The following ANK3 variants were observed in gnomAD, a reference collection of about 807,000 sequenced individuals.
ANK3 encodes the protein ankyrin 3, also known as ankyrin-3.
Under a neutral mutation model 370.9 loss-of-function variants are expected in ANK3, and 57 were observed. The observed-to-expected ratio is 0.15, with a 90% CI of 0.12 to 0.19. The LOEUF is 0.19. ANK3 is among the 10% of genes least tolerant of loss of function. The probability of loss-of-function intolerance (pLI) is 1.00; values close to 1 mark genes in which losing one functional copy is unlikely to be tolerated. For missense variants in ANK3, 4,439 were observed against 5,302.1 expected (o/e 0.84, Z 5.06); for synonymous variants, 1,929 against 1,946.3 (o/e 0.99, Z 0.23).
At position 60,147,456 on chromosome 10, in the gene ANK3, C is replaced by T. The variant is rs563981536; in HGVS notation, c.2615-8369G>A. On this transcript the variant is annotated intron_variant, in intron 23 of 43. Coordinates refer to ENST00000280772, the MANE Select transcript of ANK3 (RefSeq NM_020987.5). ...GCCATCATATGCTGGCCATGGTTGT[C>T]GTTCTTTCAAAACAGAAAATAAGTG... 3.3e-5 allele frequency among the ~76,000 whole-genome samples: 5 copies of T among 152,254 alleles called. No individual in the cohort carries two copies. The South Asian group carries it at 8.3e-4, about 25-fold the overall frequency.
chr10:60,422,994 G>A lies in ANK3; in HGVS notation c.97-143355C>T, dbSNP rs1205680310. 2.6e-5 allele frequency among the ~76,000 whole-genome samples: 4 copies of A among 152,128 alleles called. No individual in the cohort carries two copies. In the East Asian group the frequency reaches 7.7e-4, roughly 29 times the overall value. ...TGAAGGACAATTCTTTACTGTACAG[G>A]ATAGTTCTGTGTACTGAAGGGCAAA... is the stretch of plus-strand genomic sequence containing the variant. On this transcript the variant is annotated intron_variant, in intron 2 of 43. Transcript: ENST00000373827.
intron 25 of ANK3, among the ~76,000 whole-genome samples, chr10:60,130,434 C>T (rs1176583377): frequency 6.6e-6 from 1 of 152,204 alleles, no homozygotes; most frequent in African/African-American, 2.4e-5. Context: ...CATTTTTACT[C>T]ATTTTTCACC....
chr10:60,694,138 A>G (rs1171770905), intron 1 of ANK3, among the ~76,000 whole-genome samples: 2 of 152,232 alleles, frequency 1.3e-5, no homozygotes, highest in Non-Finnish European at 2.9e-5. Flanking sequence ...CAACTGGAAG[A>G]AAGGGTATCA....
intron 43 of ANK3, among the ~76,000 whole-genome samples, chr10:60,032,796 T>C (rs1007521163): frequency 1.3e-5 from 2 of 152,232 alleles, no homozygotes; most frequent in East Asian, 1.9e-4. Flanking sequence ...TTCTTGGTTA[T>C]GCAATCAGAG....
chr10:60,347,623 T>C (rs1288125221), intron 1 of ANK3, among the ~76,000 whole-genome samples: 1 of 152,018 alleles, frequency 6.6e-6, no homozygotes, highest in East Asian at 1.9e-4. Flanking sequence ...ACTCAATAAA[T>C]GGTAATGAAT....
At chr10:60,363,181 T>G (rs947806632) in intron 1 of ANK3, among the ~76,000 whole-genome samples, 1 of 152,168 alleles carries the variant, frequency 6.6e-6, no homozygotes, top group African/African-American at 2.4e-5. Context: ...TCTGCTTTTT[T>G]TGATAAAGGC....
Position 60,028,456 on chromosome 10 carries a change from C to CA in ANK3, c.*1389dup, listed in dbSNP as rs2072569645. On this transcript the variant is annotated 3_prime_UTR_variant, in exon 44 of 44. Transcript: ENST00000280772. Reference sequence around the variant, plus strand: ...TGCTTAAATAATCGACTAGGTCATCCAGTGTATGGTTTTTCATACATATGT... The same window carrying CA: ...TGCTTAAATAATCGACTAGGTCATCCAAGTGTATGGTTTTTCATACATATGT... The CA allele has an allele frequency of 6.6e-6, 1 of 152,624 alleles. No homozygotes were observed. The highest frequency in any genetic ancestry group is 1.5e-5 in the Non-Finnish European group (1 of 68,040). 9.5% of individuals were successfully genotyped at this position (152,624 alleles called of 1,614,324 possible). A position where few individuals can be genotyped will look rare whatever the true frequency, so the allele number is the denominator to read the frequency against.
At chr10:60,428,452 AG>A (rs1291374769) in intron 2 of ANK3, among the ~76,000 whole-genome samples, 1 of 152,204 alleles carries the variant, frequency 6.6e-6, no homozygotes, top group Non-Finnish European at 1.5e-5. Context: ...ATTGAAAATA[AG>A]CTGCCCCTTA....
At chr10:60,482,495 AT>A (rs67930305) in intron 2 of ANK3, among the ~76,000 whole-genome samples, 35,076 of 150,608 alleles carry the variant, frequency 0.23, 4,405 homozygotes, top group East Asian at 0.48. Flanking sequence ...CTCTAACAAC[AT>A]TTTTTTTTTA....
At chr10:60,608,801 G>A (rs147657864) in intron 2 of ANK3, among the ~76,000 whole-genome samples, 192 of 152,176 alleles carry the variant, frequency 1.3e-3, no homozygotes, top group African/African-American at 4.2e-3. Flanking sequence ...CCTCTATTTC[G>A]GATCCCACTG....
intron 2 of ANK3, among the ~76,000 whole-genome samples, chr10:60,612,784 T>C (rs1412948940): frequency 6.6e-6 from 1 of 152,232 alleles, no homozygotes; most frequent in Non-Finnish European, 1.5e-5. Context: ...GAATTCCTGG[T>C]GGCGTTGGAG....
intron 2 of ANK3, among the ~76,000 whole-genome samples, chr10:60,512,570 G>A (rs535381507): frequency 4.6e-5 from 7 of 152,164 alleles, no homozygotes; most frequent in Admixed American, 3.3e-4. Context: ...CAAGGAAAAC[G>A]ATTTTGCTGC....
At chr10:60,090,079 T>G (rs2087843456) in intron 28 of ANK3, among the ~76,000 whole-genome samples, 1 of 152,088 alleles carries the variant, frequency 6.6e-6, no homozygotes, top group African/African-American at 2.4e-5. Context: ...TCCCAGCACT[T>G]TGGGAGGCCG....
At chr10:60,335,102 T>C (rs1489942310) in intron 1 of ANK3, among the ~76,000 whole-genome samples, 6 of 152,022 alleles carry the variant, frequency 3.9e-5, no homozygotes, top group African/African-American at 1.2e-4. Context: ...TGTGCATGCG[T>C]GTGTATGTCT....
intron 42 of ANK3, among the ~76,000 whole-genome samples, chr10:60,046,933 A>G (rs1265016705): frequency 6.6e-6 from 1 of 150,918 alleles, no homozygotes; most frequent in Non-Finnish European, 1.5e-5. Flanking sequence ...CAGCCTCCTG[A>G]GTAGCTGGGA....
At chr10:60,314,623 T>G (rs1394154096) in intron 1 of ANK3, among the ~76,000 whole-genome samples, 1 of 152,162 alleles carries the variant, frequency 6.6e-6, no homozygotes, top group Non-Finnish European at 1.5e-5. Context: ...AAAGCATAAC[T>G]GGGACTGAAA....
At chr10:60,454,403 C>G (rs993783649) in intron 2 of ANK3, among the ~76,000 whole-genome samples, 3 of 152,120 alleles carry the variant, frequency 2.0e-5, no homozygotes, top group Non-Finnish European at 4.4e-5. Flanking sequence ...AGGCTCCTGC[C>G]TTCAGTTTCT....
At position 60,246,500 on chromosome 10, in the gene ANK3, T is replaced by G. The variant is rs142589828; in HGVS notation, c.799-11714A>C. Among the ~76,000 whole-genome samples, 36 of 152,322 alleles carry G rather than the reference T, an allele frequency of 2.4e-4. No homozygotes were observed. The East Asian group carries it at 6.8e-3, about 29-fold the overall frequency. On this transcript the variant is annotated intron_variant, in intron 7 of 43. Transcript: ENST00000280772. ...TTGCTGAGACTGACACCGAAGATAC[T>G]GATGCCAATGACATTTCCTTAACCT...
At chr10:60,567,472 C>G (rs1418823314) in intron 2 of ANK3, among the ~76,000 whole-genome samples, 1 of 152,102 alleles carries the variant, frequency 6.6e-6, no homozygotes, top group African/African-American at 2.4e-5. Context: ...AAAAAAATTT[C>G]TTTTTAAAAT....
Sources: allele counts gnomAD v4.1 joint callset (sites outside exome capture counted in the v4.1 genomes callset), GRCh38; gene constraint gnomAD v4.1.1; transcripts MANE v1.5; gene names NCBI Gene and HGNC (gene_info 2026-07-23, HGNC 2026-07-21).